LARGE1: variants seen among roughly 807,000 people sequenced by gnomAD.
LARGE1 encodes the protein LARGE xylosyl- and glucuronyltransferase 1.
Under a neutral mutation model 87.6 loss-of-function variants are expected in LARGE1, and 43 were observed. The observed-to-expected ratio is 0.49, with a 90% CI of 0.38 to 0.63. LARGE1 has a LOEUF of 0.63. Among genes scored for constraint, LARGE1 ranks in the 30% least tolerant of loss-of-function variants. The probability of loss-of-function intolerance (pLI) is 0.00; values close to 1 mark genes in which losing one functional copy is unlikely to be tolerated. For missense variants in LARGE1, 802 were observed against 1,000.2 expected, an observed-to-expected ratio of 0.80 and a Z score of 2.67; for synonymous variants, 434 against 394.6, an observed-to-expected ratio of 1.10 and a Z score of -1.18.
At chr22:33,302,550 G>A (rs956806899) in intron 12 of LARGE1, among the ~76,000 whole-genome samples, 1 of 152,184 alleles carries the variant, frequency 6.6e-6, no homozygotes, top group Non-Finnish European at 1.5e-5. Flanking sequence ...GGGTATGCAG[G>A]CTAAACCTAC....
intron 2 of LARGE1, among the ~76,000 whole-genome samples, chr22:33,655,066 T>C (rs141943514): frequency 1.3e-5 from 2 of 152,356 alleles, no homozygotes; most frequent in East Asian, 1.9e-4. Context: ...CATATGTATC[T>C]TGTTGCAGAG....
chr22:33,616,346 A>G (rs1463435654), intron 4 of LARGE1, among the ~76,000 whole-genome samples: 1 of 152,030 alleles, frequency 6.6e-6, no homozygotes, highest in Non-Finnish European at 1.5e-5. Flanking sequence ...GTCTCTCCCA[A>G]AAACAAAAAA....
chr22:33,322,366 T>C (rs2146370129), intron 10 of LARGE1: 1 of 152,352 alleles, frequency 6.6e-6, no homozygotes, highest in Admixed American at 6.5e-5. Flanking sequence ...TCTTTATACT[T>C]TTCTGTAGTT....
intron 10 of LARGE1, among the ~76,000 whole-genome samples, chr22:33,318,380 G>A (rs946762984): frequency 3.9e-5 from 6 of 152,220 alleles, no homozygotes; most frequent in South Asian, 2.1e-4. Flanking sequence ...TTGTCCTTGC[G>A]ATAGTTTGCT....
At chr22:33,135,761 A>G in the LARGE1 span, among the ~76,000 whole-genome samples, 1 of 152,172 alleles carries the variant, frequency 6.6e-6, no homozygotes, top group South Asian at 2.1e-4. Flanking sequence ...AATTGCATGA[A>G]CCTGGGAGGC....
At chr22:33,332,065 C>A (rs1486749326) in intron 10 of LARGE1, among the ~76,000 whole-genome samples, 1 of 152,138 alleles carries the variant, frequency 6.6e-6, no homozygotes, top group East Asian at 1.9e-4. Context: ...ATCTGCAATG[C>A]TGCCTGCTAG....
intron 11 of LARGE1, among the ~76,000 whole-genome samples, chr22:33,305,816 T>C (rs957047691): frequency 1.3e-5 from 2 of 151,788 alleles, no homozygotes; most frequent in Non-Finnish European, 2.9e-5. Flanking sequence ...GCTAACCAAA[T>C]TGACCAGAAA....
At chr22:33,580,301 C>T (rs547935124) in intron 5 of LARGE1, among the ~76,000 whole-genome samples, 66 of 151,078 alleles carry the variant, frequency 4.4e-4, no homozygotes, top group African/African-American at 1.5e-3. Context: ...ACCCAGGTGG[C>T]GGAGGTTGCG....
At chr22:33,604,333 T>C in intron 5 of LARGE1, 102 bp downstream of exon 5, 1 of 1,478,176 alleles carries the variant, frequency 6.8e-7, no homozygotes, top group Non-Finnish European at 9.4e-7. Flanking sequence ...ACATTTTCAG[T>C]TAGGAGCTGA....
intron 11 of LARGE1, among the ~76,000 whole-genome samples, chr22:33,233,194 C>T (rs192510838): frequency 1.3e-5 from 2 of 151,928 alleles, no homozygotes; most frequent in Non-Finnish European, 2.9e-5. Context: ...AGAGAGAGAA[C>T]AGAATGAGTG....
intron 6 of LARGE1, among the ~76,000 whole-genome samples, chr22:33,459,465 C>G (rs532306750): frequency 1.6e-5 from 2 of 122,860 alleles, no homozygotes; most frequent in East Asian, 4.8e-4. Flanking sequence ...TTTTTTTTGA[C>G]ATTGCAGGGT....
chr22:33,338,493 G>A (rs78908244), intron 9 of LARGE1, among the ~76,000 whole-genome samples: 2 of 151,972 alleles, frequency 1.3e-5, no homozygotes, highest in Admixed American at 6.5e-5. Context: ...TCAGCTCTAG[G>A]GTAGTGCTTC....
intron 5 of LARGE1, among the ~76,000 whole-genome samples, chr22:33,566,588 T>C (rs2148794751): frequency 6.6e-6 from 1 of 152,266 alleles, no homozygotes; most frequent in Middle Eastern, 3.4e-3. Flanking sequence ...GCAGCAAGAT[T>C]TACTGTGAAG....
chr22:33,310,420 A>G (rs1286526518), intron 11 of LARGE1, among the ~76,000 whole-genome samples: 1 of 151,970 alleles, frequency 6.6e-6, no homozygotes, highest in Non-Finnish European at 1.5e-5. Flanking sequence ...TCCCTTTGCC[A>G]TTGGTGTCTT....
At chr22:33,579,485 C>G (rs898154318) in intron 5 of LARGE1, among the ~76,000 whole-genome samples, 5 of 152,172 alleles carry the variant, frequency 3.3e-5, no homozygotes, top group African/African-American at 1.2e-4. Context: ...CTAAAACTAA[C>G]GGTTAGCATT....
At chr22:33,363,545 A>G (rs1052928957) in intron 9 of LARGE1, among the ~76,000 whole-genome samples, 1 of 149,510 alleles carries the variant, frequency 6.7e-6, no homozygotes. Context: ...CCCACAACAC[A>G]TGGGGATTAT....
At chr22:33,916,104 A>G (rs1416178761) in intron 1 of LARGE1, among the ~76,000 whole-genome samples, 2 of 152,078 alleles carry the variant, frequency 1.3e-5, no homozygotes, top group Non-Finnish European at 2.9e-5. Context: ...AAGATGGTGA[A>G]ACCCCGCCTC....
intron 6 of LARGE1, among the ~76,000 whole-genome samples, chr22:33,533,944 T>C (rs1171880426): frequency 6.6e-6 from 1 of 152,050 alleles, no homozygotes; most frequent in East Asian, 1.9e-4. Context: ...TTCCTATCCA[T>C]TTCTTTATTT....
intron 6 of LARGE1, among the ~76,000 whole-genome samples, chr22:33,528,468 T>C (rs538109113): frequency 6.6e-6 from 1 of 152,304 alleles, no homozygotes; most frequent in East Asian, 1.9e-4. Context: ...GCCCTTCATG[T>C]GTCTCATGAA....
Sources: allele counts gnomAD v4.1 joint callset (sites outside exome capture counted in the v4.1 genomes callset), GRCh38; gene constraint gnomAD v4.1.1; transcripts MANE v1.5; gene names NCBI Gene and HGNC (gene_info 2026-07-23, HGNC 2026-07-21).